LEPROTL1: variants seen among roughly 807,000 people sequenced by gnomAD.
LEPROTL1 encodes leptin receptor overlapping transcript-like 1.
A neutral mutation model predicts 15.4 loss-of-function variants in LEPROTL1; 6 were observed. The ratio of observed to expected loss-of-function variants is 0.39; its 90% CI spans 0.21 to 0.77. LEPROTL1 has a LOEUF of 0.77. LEPROTL1 is among the 30% of genes least tolerant of loss of function. The pLI is 0.41. For synonymous variants in LEPROTL1, 56 were observed against 52.6 expected, an observed-to-expected ratio of 1.06 and a Z score of -0.28; for missense variants, 128 against 158.1, an observed-to-expected ratio of 0.81 and a Z score of 1.02.
downstream of LEPROTL1, among the ~76,000 whole-genome samples, chr8:30,110,798 A>G (rs77404085): frequency 6.6e-6 from 1 of 152,180 alleles, no homozygotes; most frequent in Non-Finnish European, 1.5e-5. Flanking sequence ...GCAGTTTACA[A>G]CCATAGAAAC....
At chr8:30,130,018 C>T (rs544614429) in intron 3 of LEPROTL1, among the ~76,000 whole-genome samples, 1 of 152,222 alleles carries the variant, frequency 6.6e-6, no homozygotes, top group East Asian at 1.9e-4. Flanking sequence ...GAAATCCACC[C>T]CCATGATTTA....
chr8:30,117,368 A>G lies in LEPROTL1; in HGVS notation c.279+12882A>G, dbSNP rs1802757706. ...TGTGAGGCATTTTGTTTGTAAATATATGCTGCATTACATCCCTAGAAAAAG... is the reference window on the plus strand; with the variant it reads ...TGTGAGGCATTTTGTTTGTAAATATGTGCTGCATTACATCCCTAGAAAAAG... On this transcript the variant is annotated intron_variant, in intron 3 of 4. Coordinates refer to the LEPROTL1 transcript ENST00000442880. The G allele has an allele frequency of 1.3e-5, 14 of 1,100,332 alleles. No individual in the cohort carries two copies. The South Asian group carries it at 1.5e-4, about 12-fold the overall frequency. The allele number at this position is 1,100,332 out of a possible 1,614,324, so 68.2% of individuals were successfully genotyped here. A position where few individuals can be genotyped will look rare whatever the true frequency, so the allele number is the denominator to read the frequency against.
downstream of LEPROTL1, among the ~76,000 whole-genome samples, chr8:30,113,133 G>T (rs1051055982): frequency 2.0e-5 from 3 of 150,264 alleles, no homozygotes; most frequent in East Asian, 5.8e-4. Context: ...AAAATTAGCC[G>T]GGTGTGGTGG....
intron 1 of LEPROTL1, among the ~76,000 whole-genome samples, chr8:30,096,717 G>A (rs936516826): frequency 4.6e-5 from 7 of 152,182 alleles, no homozygotes; most frequent in African/African-American, 1.7e-4. Context: ...AATAATGCGG[G>A]GGTCTCTTAA....
chr8:30,103,013 G>T (rs1211558768), intron 2 of LEPROTL1, among the ~76,000 whole-genome samples: 3 of 152,138 alleles, frequency 2.0e-5, no homozygotes, highest in Admixed American at 2.0e-4. Context: ...TGTTTACAAA[G>T]ATATATTTAG....
chr8:30,095,883 A>G (rs748679151), intron 1 of LEPROTL1: 6 of 700,658 alleles, frequency 8.6e-6, no homozygotes, highest in East Asian at 2.7e-5. Flanking sequence ...TGCATCCGAG[A>G]GAGAGGCAGG....
chr8:30,127,661 C>A (rs1249841661), intron 3 of LEPROTL1, among the ~76,000 whole-genome samples: 5 of 129,598 alleles, frequency 3.9e-5, no homozygotes, highest in Non-Finnish European at 8.1e-5. Flanking sequence ...AGAGTGAGAC[C>A]CTGTCTCAAA....
At chr8:30,131,888 C>G in intron 3 of LEPROTL1, 1 of 1,491,346 alleles carries the variant, frequency 6.7e-7, no homozygotes, top group Non-Finnish European at 8.9e-7. Context: ...GATGCGTCAT[C>G]TGGCACTTTC....
chr8:30,101,697 C>T (rs953603911), intron 1 of LEPROTL1, among the ~76,000 whole-genome samples: 18 of 146,772 alleles, frequency 1.2e-4, no homozygotes, highest in Admixed American at 5.5e-4. Flanking sequence ...AAAAAAAAGG[C>T]CAGTGTCACT....
chr8:30,109,811 C>G (rs930403247), downstream of LEPROTL1, among the ~76,000 whole-genome samples: 9 of 152,158 alleles, frequency 5.9e-5, no homozygotes, highest in African/African-American at 1.7e-4. Context: ...ACCTCTTACA[C>G]AAATGAAATG....
chr8:30,122,751 C>T (rs558267133), intron 3 of LEPROTL1, among the ~76,000 whole-genome samples: 5 of 152,048 alleles, frequency 3.3e-5, no homozygotes, highest in African/African-American at 7.2e-5. Context: ...GCTGAGATCG[C>T]GCCACTGCAC....
intron 3 of LEPROTL1, among the ~76,000 whole-genome samples, chr8:30,121,645 G>A (rs1244541003): frequency 6.6e-6 from 1 of 152,136 alleles, no homozygotes; most frequent in Non-Finnish European, 1.5e-5. Context: ...TGGTATGTGG[G>A]CTTTGGTGTG....
intron 3 of LEPROTL1, among the ~76,000 whole-genome samples, chr8:30,118,259 A>C (rs1459725454): frequency 6.6e-6 from 1 of 151,846 alleles, no homozygotes; most frequent in Non-Finnish European, 1.5e-5. Context: ...AAGTGATCCA[A>C]CTGTCTTGGC....
intron 3 of LEPROTL1, chr8:30,131,881 G>A: frequency 6.8e-7 from 1 of 1,477,934 alleles, no homozygotes; most frequent in Non-Finnish European, 9.0e-7. Context: ...CATTATCGAT[G>A]CGTCATCTGG....
intron 1 of LEPROTL1, among the ~76,000 whole-genome samples, 182 bp from the exon 2 acceptor site, chr8:30,101,716 C>T (rs1200530753): frequency 1.3e-5 from 2 of 149,680 alleles, no homozygotes; most frequent in Non-Finnish European, 3.0e-5. Flanking sequence ...CTTCATTTTG[C>T]CTTGAAGATA....
At chr8:30,127,688 A>G (rs1025134490) in intron 3 of LEPROTL1, among the ~76,000 whole-genome samples, 1 of 10,826 alleles carries the variant, frequency 9.2e-5, no homozygotes, top group Non-Finnish European at 7.0e-4. Context: ...AAAAAAATAC[A>G]CACACACACA....
At chr8:30,137,308 G>A in exon 5 of LEPROTL1, 5 of 1,551,698 alleles carry the variant, frequency 3.2e-6, no homozygotes, top group Non-Finnish European at 4.4e-6. Context: ...GATGGGAACA[G>A]CTGAGTCTGA....
chr8:30,121,565 A>C (rs1036426893), intron 3 of LEPROTL1, among the ~76,000 whole-genome samples: 1 of 151,992 alleles, frequency 6.6e-6, no homozygotes, highest in African/African-American at 2.4e-5. Context: ...AGATATTGTT[A>C]ATAAAATAAA....
At chr8:30,132,985 T>C in intron 4 of LEPROTL1, 1 of 1,402,512 alleles carries the variant, frequency 7.1e-7, no homozygotes, top group Non-Finnish European at 9.5e-7. Flanking sequence ...TCATACATGA[T>C]CTCGCAGGAA....
Sources: gnomAD v4.1 joint callset for allele counts (sites outside exome capture counted in the v4.1 genomes callset) on GRCh38, gnomAD v4.1.1 for gene constraint, MANE v1.5 for transcripts, NCBI Gene and HGNC (gene_info 2026-07-23, HGNC 2026-07-21) for gene names.